Variants in ADCY9 observed in about 807,000 individuals in gnomAD.
ADCY9 encodes the protein adenylate cyclase 9.
A neutral mutation model predicts 101.5 loss-of-function variants in ADCY9; 50 were observed. The observed-to-expected ratio is 0.49, with a 90% CI of 0.39 to 0.62. The LOEUF is 0.62. Among genes scored for constraint, ADCY9 ranks in the 20% least tolerant of loss-of-function variants. The pLI is 0.00. For missense variants in ADCY9, 1,662 were observed against 1,800.4 expected (o/e 0.92, Z 1.39); for synonymous variants, 905 against 769.3 (o/e 1.18, Z -2.92).
At chr16:4,019,367 G>A (rs970175400) in intron 2 of ADCY9, among the ~76,000 whole-genome samples, 7 of 152,282 alleles carry the variant, frequency 4.6e-5, no homozygotes, top group Admixed American at 4.6e-4. Context: ...GGATGTCCCA[G>A]GCTGGGCGAT....
At chr16:4,087,772 A>G (rs891367741) in intron 2 of ADCY9, among the ~76,000 whole-genome samples, 6 of 151,366 alleles carry the variant, frequency 4.0e-5, no homozygotes, top group African/African-American at 1.2e-4. Flanking sequence ...ATTTGCTCGG[A>G]TACTACAGTC....
At chr16:4,007,632 C>T (rs2056375890) in intron 2 of ADCY9, 74 bp from the exon 3 acceptor site, 1 of 1,291,952 alleles carries the variant, frequency 7.7e-7, no homozygotes, top group African/African-American at 1.5e-5. Flanking sequence ...GTCTTGCTCT[C>T]TGGAGAGGAC....
At chr16:3,977,883 A>G (rs2056106538) in intron 8 of ADCY9, among the ~76,000 whole-genome samples, 1 of 151,856 alleles carries the variant, frequency 6.6e-6, no homozygotes. Flanking sequence ...CACCTCGCTA[A>G]TTTTTGTATT....
chr16:4,100,743 CAAAAAAA>C (rs35359235), intron 2 of ADCY9, among the ~76,000 whole-genome samples: 5 of 115,128 alleles, frequency 4.3e-5, no homozygotes, highest in African/African-American at 1.4e-4. Flanking sequence ...ACTCTTGTCT[CAAAAAAA>C]AAAAAAAAGA....
At chr16:4,036,515 T>C (rs1274685893) in intron 2 of ADCY9, among the ~76,000 whole-genome samples, 1 of 136,256 alleles carries the variant, frequency 7.3e-6, no homozygotes, top group Non-Finnish European at 1.5e-5. Context: ...CAGGCTGGAG[T>C]GCAGTGGTGC....
intron 2 of ADCY9, among the ~76,000 whole-genome samples, chr16:4,044,584 T>G (rs991461926): frequency 1.3e-5 from 2 of 152,138 alleles, no homozygotes; most frequent in African/African-American, 4.8e-5. Flanking sequence ...CAGAGAAACC[T>G]CGGTTTAATA....
intron 9 of ADCY9, among the ~76,000 whole-genome samples, chr16:3,975,706 C>T (rs962162170): frequency 3.0e-4 from 46 of 152,152 alleles, no homozygotes; most frequent in Admixed American, 2.6e-3. Context: ...AAACATTCTG[C>T]GCACCTAAAC....
At chr16:4,053,241 C>T (rs1299396215) in intron 2 of ADCY9, among the ~76,000 whole-genome samples, 1 of 152,154 alleles carries the variant, frequency 6.6e-6, no homozygotes, top group African/African-American at 2.4e-5. Context: ...GACTGTAAAT[C>T]GCAGTGAAGT....
intron 10 of ADCY9, among the ~76,000 whole-genome samples, chr16:3,967,188 C>T (rs1354278626): frequency 6.6e-6 from 1 of 152,224 alleles, no homozygotes; most frequent in African/African-American, 2.4e-5. Context: ...TGGGGTCTCA[C>T]TGTGTTGCCC....
chr16:4,046,394 T>C (rs961950925), intron 2 of ADCY9, among the ~76,000 whole-genome samples: 2 of 152,040 alleles, frequency 1.3e-5, no homozygotes, highest in Admixed American at 1.3e-4. Context: ...AATTCTCACA[T>C]GAGCTTTGTA....
intron 3 of ADCY9, among the ~76,000 whole-genome samples, chr16:4,006,346 C>T (rs1273624734): frequency 2.6e-5 from 4 of 152,130 alleles, no homozygotes; most frequent in Non-Finnish European, 5.9e-5. Context: ...ACCCAACGAC[C>T]GCGATCCACG....
rs143062791 is a variant in ADCY9, at chr16:4,076,020, G to A, written c.1693+37730C>T. ...GAAAAGGCAGGCACAAAAGCACAAC[G>A]TGATGACAGAGCAAATGCAAAATAA... On this transcript the variant is annotated intron_variant, in intron 2 of 10. Transcript: ENST00000294016. Among the ~76,000 whole-genome samples, 22 of 152,258 alleles carry A rather than the reference G, an allele frequency of 1.4e-4. No individual in the cohort carries two copies. The East Asian group carries it at 3.3e-3, about 23-fold the overall frequency.
chr16:4,023,886 G>T (rs955263453), intron 2 of ADCY9, among the ~76,000 whole-genome samples: 1 of 152,078 alleles, frequency 6.6e-6, no homozygotes, highest in Non-Finnish European at 1.5e-5. Context: ...CTCCAGCCTG[G>T]GGGACGGTAG....
At position 4,077,044 on chromosome 16, in the gene ADCY9, T is replaced by C. The variant is rs1249905449; in HGVS notation, c.1693+36706A>G. Reference sequence around the variant, plus strand: ...GTGAGCCGAGATCACGCCATTGCATTCCAGCCTGGGGGACAAGGTTGAGAC... The same window carrying C: ...GTGAGCCGAGATCACGCCATTGCATCCCAGCCTGGGGGACAAGGTTGAGAC... On this transcript the variant is annotated intron_variant, in intron 2 of 10. Transcript: ENST00000294016. 2.0e-5 allele frequency among the ~76,000 whole-genome samples: 3 copies of C among 148,238 alleles called. No individual in the cohort carries two copies. The Admixed American group carries it at 2.0e-4, about 10-fold the overall frequency.
chr16:4,083,836 G>T (rs2056920363), intron 2 of ADCY9, among the ~76,000 whole-genome samples: 2 of 152,134 alleles, frequency 1.3e-5, no homozygotes, highest in African/African-American at 4.8e-5. Flanking sequence ...GCAGCTTAGG[G>T]GCTGCCAGGG....
intron 2 of ADCY9, 81 bp from the exon 3 acceptor site, chr16:4,007,639 G>C (rs921683466): frequency 3.3e-6 from 4 of 1,213,744 alleles, no homozygotes; most frequent in Non-Finnish European, 4.6e-6. Context: ...TCTCTGGAGA[G>C]GACTCACTCC....
At chr16:3,989,961 C>G (rs965858286) in intron 5 of ADCY9, among the ~76,000 whole-genome samples, 2 of 152,166 alleles carry the variant, frequency 1.3e-5, no homozygotes, top group African/African-American at 4.8e-5. Context: ...GCATGTGAAA[C>G]CTGCAGAATG....
chr16:3,983,678 C>T (rs772205975), intron 6 of ADCY9: 7 of 536,294 alleles, frequency 1.3e-5, no homozygotes, highest in Admixed American at 3.2e-5. Flanking sequence ...CCTGTAATCC[C>T]GACACTTTGG....
chr16:4,056,663 G>A (rs2056739790), intron 2 of ADCY9, among the ~76,000 whole-genome samples: 1 of 152,242 alleles, frequency 6.6e-6, no homozygotes, highest in South Asian at 2.1e-4. Context: ...CTGGAAAGCA[G>A]TGCGTGATCC....
Sources: allele counts gnomAD v4.1 joint callset (sites outside exome capture counted in the v4.1 genomes callset), GRCh38; gene constraint gnomAD v4.1.1; transcripts MANE v1.5; gene names NCBI Gene and HGNC (gene_info 2026-07-23, HGNC 2026-07-21).